The following CCDC149 variants were observed in gnomAD, a reference collection of about 807,000 sequenced individuals.
The protein encoded by CCDC149 is coiled-coil domain containing 149, also known as coiled-coil domain-containing protein 149.
CCDC149 carries 45 observed loss-of-function variants against 59.9 expected under a neutral mutation model. The observed-to-expected ratio is 0.75, with a 90% CI of 0.59 to 0.96. The LOEUF (loss-of-function observed/expected upper bound fraction) is 0.96, where lower values mean the gene tolerates loss of function less well. CCDC149 is among the 40% of genes least tolerant of loss of function. The pLI, the probability that CCDC149 is intolerant of heterozygous loss-of-function variation, is 0.00. For missense variants in CCDC149, 584 were observed against 664.7 expected (o/e 0.88, Z 1.33); for synonymous variants, 245 against 260.6 (o/e 0.94, Z 0.58).
chr4:24,875,662 G>A (rs545561829), intron 2 of CCDC149, among the ~76,000 whole-genome samples: 2 of 152,178 alleles, frequency 1.3e-5, no homozygotes, highest in Admixed American at 1.3e-4. Context: ...GGATGGCAAT[G>A]CTGTCTGTAT....
chr4:24,819,779 G>T (rs1715245284), intron 12 of CCDC149, 80 bp downstream of exon 12: 3 of 972,184 alleles, frequency 3.1e-6, no homozygotes, highest in Non-Finnish European at 3.2e-6. Flanking sequence ...AGGGGAAGGG[G>T]AAGAGACCGA....
chr4:24,905,294 T>C (rs1270105158), intron 1 of CCDC149, among the ~76,000 whole-genome samples: 1 of 152,092 alleles, frequency 6.6e-6, no homozygotes. Flanking sequence ...TCTTTATTGT[T>C]TTAACAGAGT....
chr4:24,876,471 A>C, intron 2 of CCDC149, 65 bp downstream of exon 2: 1 of 1,496,824 alleles, frequency 6.7e-7, no homozygotes, highest in South Asian at 1.3e-5. Flanking sequence ...ACAGCATGTG[A>C]AAATCTCTTT....
chr4:24,813,489 A>AATATATCTATATCTATATCTAT (rs1186488610), intron 12 of CCDC149, among the ~76,000 whole-genome samples: 1 of 113,722 alleles, frequency 8.8e-6, no homozygotes, highest in African/African-American at 4.0e-5. Context: ...CAGCTTGGGG[A>AATATATCTATATCTATATCTAT]ATATATATAT....
At chr4:24,828,926 G>A (rs1715942957) in intron 9 of CCDC149, 1 of 152,424 alleles carries the variant, frequency 6.6e-6, no homozygotes, top group East Asian at 1.9e-4. Context: ...GTGAACCTGG[G>A]GCATGGGTGT....
At chr4:24,914,958 A>C (rs1443013298), upstream of CCDC149, among the ~76,000 whole-genome samples, 5 of 152,206 alleles carry the variant, frequency 3.3e-5, no homozygotes, top group Non-Finnish European at 2.9e-5. Flanking sequence ...TGCAGCACTC[A>C]TCCTGGGGAA....
At chr4:24,919,733 T>TA (rs1278727115) in intron 1 of CCDC149, among the ~76,000 whole-genome samples, 2 of 152,228 alleles carry the variant, frequency 1.3e-5, no homozygotes, top group Non-Finnish European at 1.5e-5. Flanking sequence ...CATAACACCT[T>TA]AACCTTTCTG....
intron 1 of CCDC149, among the ~76,000 whole-genome samples, chr4:24,965,444 G>A (rs534045524): frequency 2.1e-5 from 3 of 144,000 alleles, no homozygotes; most frequent in Admixed American, 7.0e-5. Flanking sequence ...TGCCAAATAT[G>A]TTCTCTGACC....
At chr4:24,887,648 C>T (rs1412045463) in intron 1 of CCDC149, among the ~76,000 whole-genome samples, 2 of 152,044 alleles carry the variant, frequency 1.3e-5, no homozygotes, top group African/African-American at 4.8e-5. Context: ...CTCCCTTCCC[C>T]GCCTCCAACA....
At chr4:24,893,996 T>C (rs1716920454) in intron 1 of CCDC149, among the ~76,000 whole-genome samples, 1 of 152,186 alleles carries the variant, frequency 6.6e-6, no homozygotes, top group South Asian at 2.1e-4. Flanking sequence ...TCACTCATTT[T>C]GTGAGGCTGT....
intron 1 of CCDC149, among the ~76,000 whole-genome samples, chr4:24,951,300 C>T: frequency 6.6e-6 from 1 of 152,212 alleles, no homozygotes. Flanking sequence ...TTTTTGGAAG[C>T]TTTTAAACTT....
intron 1 of CCDC149, among the ~76,000 whole-genome samples, chr4:24,963,856 G>T (rs547112117): frequency 6.6e-6 from 1 of 152,282 alleles, no homozygotes; most frequent in South Asian, 2.1e-4. Context: ...TTTCAGCAAA[G>T]AAATGATTTA....
chr4:24,821,752 C>T (rs1715414191), intron 10 of CCDC149, among the ~76,000 whole-genome samples: 1 of 152,098 alleles, frequency 6.6e-6, no homozygotes, highest in Non-Finnish European at 1.5e-5. Context: ...ATACAAGTTT[C>T]TGAAGAGTAA....
intron 1 of CCDC149, among the ~76,000 whole-genome samples, chr4:24,880,298 T>G (rs1273171750): frequency 6.6e-6 from 1 of 152,222 alleles, no homozygotes; most frequent in Non-Finnish European, 1.5e-5. Context: ...CTGTACCACA[T>G]ACGCTAGGCA....
chr4:24,954,979 C>T (rs761264726), intron 1 of CCDC149, among the ~76,000 whole-genome samples: 4 of 152,246 alleles, frequency 2.6e-5, no homozygotes, highest in Non-Finnish European at 5.9e-5. Context: ...AATTTCTCTA[C>T]ATTTTATTAT....
At chr4:24,970,489 T>C (rs1723932878) in intron 1 of CCDC149, among the ~76,000 whole-genome samples, 1 of 152,108 alleles carries the variant, frequency 6.6e-6, no homozygotes. Context: ...GGACGTGTAG[T>C]ACCTCCAGCC....
At chr4:24,963,226 G>T (rs535637078) in intron 1 of CCDC149, among the ~76,000 whole-genome samples, 4 of 151,944 alleles carry the variant, frequency 2.6e-5, no homozygotes, top group African/African-American at 9.7e-5. Flanking sequence ...CTTCTGCCTG[G>T]TGGGAGTAGG....
At chr4:24,945,500 C>A (rs994849695) in intron 1 of CCDC149, among the ~76,000 whole-genome samples, 1 of 152,128 alleles carries the variant, frequency 6.6e-6, no homozygotes, top group Non-Finnish European at 1.5e-5. Flanking sequence ...CCCGTCAGAG[C>A]CTTCAAAGGG....
At chr4:24,873,777 C>A (rs1719207205) in intron 2 of CCDC149, 58 bp from the exon 3 acceptor site, 1 of 1,376,582 alleles carries the variant, frequency 7.3e-7, no homozygotes, top group African/African-American at 1.4e-5. Context: ...TACTTAGAAA[C>A]AAGAAGTTGA....
Sources: allele counts gnomAD v4.1 joint callset (sites outside exome capture counted in the v4.1 genomes callset), GRCh38; gene constraint gnomAD v4.1.1; transcripts MANE v1.5; gene names NCBI Gene and HGNC (gene_info 2026-07-23, HGNC 2026-07-21).